Variants in NCAM2 observed in about 807,000 individuals in gnomAD.
NCAM2 encodes the protein neural cell adhesion molecule 2, also known as N-CAM-2.
In NCAM2, 30 loss-of-function variants were observed where a neutral mutation model predicts 98.1. The observed-to-expected ratio is 0.31, with a 90% CI of 0.23 to 0.41. NCAM2 has a LOEUF of 0.41. Among genes scored for constraint, NCAM2 ranks in the 10% least tolerant of loss-of-function variants. The pLI is 1.00. For synonymous variants in NCAM2, 368 were observed against 342.4 expected (o/e 1.07, Z -0.83); for missense variants, 867 against 1,005.8 (o/e 0.86, Z 1.87).
intron 8 of NCAM2, among the ~76,000 whole-genome samples, chr21:21,340,671 T>G (rs1164431799): frequency 6.6e-6 from 1 of 152,002 alleles, no homozygotes; most frequent in Non-Finnish European, 1.5e-5. Context: ...ATCCTTGACT[T>G]ATTTTTCTAT....
chr21:21,089,947 C>T (rs1387605886), intron 1 of NCAM2, among the ~76,000 whole-genome samples: 1 of 152,066 alleles, frequency 6.6e-6, no homozygotes, highest in African/African-American at 2.4e-5. Context: ...CAAAAGCCAA[C>T]GAACACCAAC....
intron 1 of NCAM2, among the ~76,000 whole-genome samples, chr21:21,023,795 G>A (rs1435604934): frequency 6.6e-6 from 1 of 151,942 alleles, no homozygotes; most frequent in African/African-American, 2.4e-5. Context: ...GAGCATTATT[G>A]TTTAGCATTT....
intron 15 of NCAM2, among the ~76,000 whole-genome samples, chr21:21,488,879 ATG>A (rs761786321): frequency 2.0e-5 from 3 of 151,906 alleles, no homozygotes; most frequent in Non-Finnish European, 4.4e-5. Context: ...ATGTAACTTT[ATG>A]TGTTTTATTA....
At chr21:21,335,018 A>G (rs980968541) in intron 6 of NCAM2, among the ~76,000 whole-genome samples, 1 of 152,066 alleles carries the variant, frequency 6.6e-6, no homozygotes, top group African/African-American at 2.4e-5. Flanking sequence ...GGCAGTACTT[A>G]TATGCAATAT....
intron 1 of NCAM2, among the ~76,000 whole-genome samples, chr21:21,266,382 C>G (rs944916578): frequency 7.2e-5 from 11 of 152,040 alleles, no homozygotes; most frequent in African/African-American, 2.7e-4. Context: ...TCTCTTTTCT[C>G]AGCAAAAATT....
intron 11 of NCAM2, among the ~76,000 whole-genome samples, chr21:21,427,938 C>G (rs182455229): frequency 1.8e-4 from 27 of 152,174 alleles, no homozygotes; most frequent in African/African-American, 6.5e-4. Context: ...CTCAACATTA[C>G]TTGATATTTC....
chr21:21,152,823 A>G (rs556719969), intron 1 of NCAM2, among the ~76,000 whole-genome samples: 13 of 152,098 alleles, frequency 8.5e-5, no homozygotes, highest in South Asian at 2.1e-4. Context: ...TACAGACTCA[A>G]TGGGACACTT....
chr21:21,348,934 A>G (rs796450629), intron 8 of NCAM2, among the ~76,000 whole-genome samples: 6 of 152,256 alleles, frequency 3.9e-5, no homozygotes, highest in African/African-American at 1.4e-4. Context: ...CAAAAATCCA[A>G]TCAAAATGGA....
rs774227778 is a variant in NCAM2 at position 21,540,212 on chromosome 21, CATTT to C, written c.*2259_*2262del. On this transcript the variant is annotated 3_prime_UTR_variant, in exon 18 of 18. Coordinates refer to ENST00000400546, the MANE Select transcript of NCAM2 (RefSeq NM_004540.5). ...CTCAATGTGACATTTCTGTTTCTCTCATTTATTCGGATTTTCCTTGTAAAGAAAT... is the reference window on the plus strand; with the variant it reads ...CTCAATGTGACATTTCTGTTTCTCTCATTCGGATTTTCCTTGTAAAGAAAT... 4.2e-4 allele frequency: 63 copies of C among 151,470 alleles called. No individual in the cohort carries two copies. The highest frequency in any genetic ancestry group is 8.7e-4 in the African/African-American group (36 of 41,378). 9.4% of individuals were successfully genotyped at this position (151,470 alleles called of 1,614,324 possible).
intron 1 of NCAM2, among the ~76,000 whole-genome samples, chr21:21,062,924 G>A (rs768000701): frequency 6.6e-6 from 1 of 152,088 alleles, no homozygotes. Flanking sequence ...AAAATATAAA[G>A]CATTTACATT....
intron 12 of NCAM2, among the ~76,000 whole-genome samples, chr21:21,465,678 C>A (rs960972569): frequency 6.6e-6 from 1 of 151,830 alleles, no homozygotes; most frequent in Non-Finnish European, 1.5e-5. Flanking sequence ...ATGATTTAAT[C>A]TTTTATATCT....
chr21:21,245,072 C>T (rs1389324470), intron 1 of NCAM2, among the ~76,000 whole-genome samples: 1 of 152,100 alleles, frequency 6.6e-6, no homozygotes, highest in Non-Finnish European at 1.5e-5. Flanking sequence ...TGAGAGACAT[C>T]TGGGATCACT....
At chr21:21,099,395 G>T (rs955667776) in intron 1 of NCAM2, among the ~76,000 whole-genome samples, 2 of 151,860 alleles carry the variant, frequency 1.3e-5, no homozygotes, top group African/African-American at 4.8e-5. Context: ...AGGAAGAGAG[G>T]TTTAATTGGC....
intron 16 of NCAM2, among the ~76,000 whole-genome samples, chr21:21,509,504 A>G (rs1023822922): frequency 6.6e-6 from 1 of 152,212 alleles, no homozygotes; most frequent in Non-Finnish European, 1.5e-5. Flanking sequence ...TGATTACAAC[A>G]GGCTTCATGA....
chr21:21,004,239 G>A (rs2064071185), intron 1 of NCAM2, among the ~76,000 whole-genome samples: 1 of 152,076 alleles, frequency 6.6e-6, no homozygotes, highest in African/African-American at 2.4e-5. Context: ...CAAATAACAA[G>A]CACTTTTTGA....
At chr21:21,084,447 C>T (rs555514471) in intron 1 of NCAM2, among the ~76,000 whole-genome samples, 26 of 152,294 alleles carry the variant, frequency 1.7e-4, no homozygotes, top group Admixed American at 1.2e-3. Flanking sequence ...CATTTGTCTC[C>T]TTCCTAACCC....
chr21:21,401,232 A>T (rs1242103005), intron 9 of NCAM2, among the ~76,000 whole-genome samples: 1 of 152,132 alleles, frequency 6.6e-6, no homozygotes, highest in Non-Finnish European at 1.5e-5. Context: ...GTATATATTT[A>T]TGGGTCACAG....
At chr21:21,360,570 T>C (rs1242203579) in intron 8 of NCAM2, among the ~76,000 whole-genome samples, 2 of 152,024 alleles carry the variant, frequency 1.3e-5, no homozygotes, top group African/African-American at 2.4e-5. Context: ...TATGCATAAA[T>C]CCTACCATTT....
chr21:21,401,873 G>A (rs1438111048), intron 9 of NCAM2, among the ~76,000 whole-genome samples: 1 of 152,152 alleles, frequency 6.6e-6, no homozygotes, highest in Non-Finnish European at 1.5e-5. Context: ...TGAACAGAGG[G>A]ACCGGCTGGA....
Sources: gnomAD v4.1 joint callset for allele counts (sites outside exome capture counted in the v4.1 genomes callset) on GRCh38, gnomAD v4.1.1 for gene constraint, MANE v1.5 for transcripts, NCBI Gene and HGNC (gene_info 2026-07-23, HGNC 2026-07-21) for gene names.